MAPK7: variants seen among roughly 807,000 people sequenced by gnomAD.
MAPK7 encodes the protein mitogen-activated protein kinase 7.
In MAPK7, 30 loss-of-function variants were observed where a neutral mutation model predicts 56.9. The ratio of observed to expected loss-of-function variants is 0.53; its 90% CI spans 0.39 to 0.72. The LOEUF (loss-of-function observed/expected upper bound fraction) is 0.72, where lower values mean the gene tolerates loss of function less well. Among genes scored for constraint, MAPK7 ranks in the 30% least tolerant of loss-of-function variants. MAPK7 has a pLI of 0.00. For synonymous variants in MAPK7, 516 were observed against 449.3 expected (o/e 1.15, Z -1.88); for missense variants, 952 against 1,110.8 (o/e 0.86, Z 2.03).
In MAPK7 at chr17:19,380,849, C is replaced by T. The variant is rs376919837; in HGVS notation, c.640C>T (p.His214Tyr). Reference protein sequence around the residue: ...ARGLCTSPAEHQYFMTEYVAT... With the variant: ...ARGLCTSPAEYQYFMTEYVAT... ...TGGCCTGTGCACCTCGCCCGCTGAA[C>T]ATCAGTACTTCATGACTGAGTATGT... is the stretch of plus-strand genomic sequence containing the variant. Residue 214 changes from histidine to tyrosine, a missense_variant, in exon 4 of 7, where the codon CAT becomes TAT. Around this residue, in one of 5 missense-constraint regions of MAPK7, gnomAD observed 429 missense variants for 533.0 expected, o/e 0.80. Transcript: ENST00000395604. 9.3e-6 allele frequency: 15 copies of T among 1,613,954 alleles called. No individual in the cohort carries two copies. The highest frequency in any genetic ancestry group is 1.7e-5 in the Admixed American group (1 of 59,998).
chr17:19,378,948 GC>G lies in MAPK7; in HGVS notation c.54del (p.Val21Ter). On this transcript the variant is annotated frameshift_variant, in exon 2 of 7. Coordinates refer to ENST00000395604, the MANE Select transcript of MAPK7 (RefSeq NM_002749.4). LOFTEE classifies it high-confidence loss of function. The surrounding 1 kb of genome is among the most constrained non-coding windows in gnomAD (Gnocchi z 5.4). ...AAGACGGCGAGGACGGCTCTGCGGA[GC>G]CCCCCGGGCCCGTGAAGGCCGAACC... ...EEDGEDGSAE[P>X]PGPVKAEPAH... 1.3e-6 allele frequency: 2 copies of G among 1,597,482 alleles called. No individual in the cohort carries two copies. Among genetic ancestry groups the G allele is most frequent in the Non-Finnish European group, 8.5e-7 (1 of 1,171,938 alleles).
intron 5 of MAPK7, 95 bp from the exon 6 acceptor site, chr17:19,382,718 A>G: frequency 6.6e-7 from 1 of 1,519,144 alleles, no homozygotes; most frequent in Non-Finnish European, 8.9e-7. Context: ...TGGTGTTAGC[A>G]CTCCCAGATA....
In MAPK7 at chr17:19,381,187, C is replaced by T. The variant is rs1912624942; in HGVS notation, c.978C>T (p.Arg326=). The T allele has an allele frequency of 3.7e-6, 6 of 1,614,148 alleles. No homozygotes were observed. The highest frequency in any genetic ancestry group is 2.2e-5 in the East Asian group (1 of 44,874). The change falls in exon 4 of 7, where the codon CGC becomes CGT. Residue 326 remains arginine, a synonymous_variant. Transcript: ENST00000395604. The surrounding 1 kb of genome is among the most constrained non-coding windows in gnomAD (Gnocchi z 4.6). ...GCCAGGCCCTATCACTGCTGGGTCG[C>T]ATGCTGCGTTTTGAGCCCAGCGCTC... The part of the protein sequence containing the change: ...ADRQALSLLG[R]MLRFEPSARI...
At position 19,383,155 on chromosome 17, in the gene MAPK7, T is replaced by C. The variant is rs1288248712; in HGVS notation, c.2375T>C (p.Ile792Thr). 17 of 1,614,142 alleles carry C rather than the reference T, an allele frequency of 1.1e-5. No homozygotes were observed. The highest frequency in any genetic ancestry group is 1.6e-4 in the Middle Eastern group (1 of 6,062). ...LEGHGMNPAD[I>T]ESLQREIQMD... The stretch of plus-strand genomic sequence containing the variant: ...GGCCATGGCATGAACCCTGCCGATA[T>C]TGAGTCCCTGCAGCGTGAGATCCAG... The change falls in exon 7 of 7, where the codon ATT becomes ACT. Residue 792 changes from isoleucine (I) to threonine (T), a missense_variant. Transcript: ENST00000395604.
chr17:19,378,542 A>C lies in MAPK7; in HGVS notation c.-94A>C. On this transcript the variant is annotated 5_prime_UTR_variant, in exon 1 of 7. Transcript: ENST00000395604. This position sits in a 1 kb window ranked among gnomAD's most constrained non-coding sequence, Gnocchi z 5.4. ...AGGTGGTGGCTGCGGCCTTTGAACA[A>C]GTAAGTGAGCCACCCTCGGAGACCC... The C allele has an allele frequency of 8.6e-7, 1 of 1,158,058 alleles. No individual in the cohort carries two copies. Among genetic ancestry groups the C allele is most frequent in the Non-Finnish European group, 1.1e-6 (1 of 934,316 alleles). 71.7% of individuals were successfully genotyped at this position (1,158,058 alleles called of 1,614,324 possible). A position where few individuals can be genotyped will look rare whatever the true frequency, so the allele number is the denominator to read the frequency against.
Position 19,378,814 on chromosome 17 carries a change from C to G in MAPK7, c.-5-82C>G, listed in dbSNP as rs1912341833. 2 of 1,348,020 alleles carry G rather than the reference C, an allele frequency of 1.5e-6. No individual in the cohort carries two copies. Among genetic ancestry groups the G allele is most frequent in the African/African-American group, 1.5e-5 (1 of 68,380 alleles). The allele number at this position is 1,348,020 out of a possible 1,614,324, so 83.5% of individuals were successfully genotyped here. ...TGTCGGTTTAGGAAACTGGGAAGTT[C>G]CCTGGTCCTGCTCCCCAGCCCGCAG... On this transcript the variant is annotated intron_variant, in intron 1 of 6. Coordinates refer to ENST00000395604, the MANE Select transcript of MAPK7 (RefSeq NM_002749.4). This position sits in a 1 kb window ranked among gnomAD's most constrained non-coding sequence, Gnocchi z 5.4.
At position 19,382,038 on chromosome 17, in the gene MAPK7, G is replaced by T; in HGVS notation, c.1735G>T (p.Ala579Ser). 6.4e-7 allele frequency: 1 copy of T among 1,568,596 alleles called. No homozygotes were observed. Among genetic ancestry groups the T allele is most frequent in the Non-Finnish European group, 8.6e-7 (1 of 1,157,396 alleles). The change falls in exon 5 of 7, where the codon GCA (alanine) becomes TCA (serine). Residue 579 changes from alanine to serine, a missense_variant. Around this residue, in one of 5 missense-constraint regions of MAPK7, gnomAD observed 234 missense variants for 210.4 expected, o/e 1.11. Transcript: ENST00000395604. ...LERWTRMARP[A>S]APALTSVPAP... ...ACGCTGGACTCGAATGGCCCGGCCC[G>T]CAGCCCCAGCCCTCACCTCTGTGCC...
chr17:19,380,509 T>C, intron 3 of MAPK7, 99 bp from the exon 4 acceptor site: 3 of 1,497,756 alleles, frequency 2.0e-6, no homozygotes, highest in Non-Finnish European at 2.7e-6. Context: ...AGGGTAAGGC[T>C]GTTACCTGTC....
Position 19,378,867 on chromosome 17 carries a change from G to T in MAPK7, c.-5-29G>T, listed in dbSNP as rs1447789920. On this transcript the variant is annotated intron_variant, in intron 1 of 6. Transcript: ENST00000395604. The surrounding 1 kb of genome is among the most constrained non-coding windows in gnomAD (Gnocchi z 5.4). ...GGGACACTGAGGCCCACGGTAGGTG[G>T]TCCTCTCCTCACCCGAGTCTCCACA... 4.6e-6 allele frequency: 7 copies of T among 1,521,608 alleles called. No homozygotes were observed. The highest frequency in any genetic ancestry group is 6.2e-6 in the Non-Finnish European group (7 of 1,122,298). The allele number at this position is 1,521,608 out of a possible 1,614,324, so 94.3% of individuals were successfully genotyped here. A position where few individuals can be genotyped will look rare whatever the true frequency, so the allele number is the denominator to read the frequency against.
Position 19,382,835 on chromosome 17 carries a change from T to G in MAPK7, c.2186T>G (p.Val729Gly), listed in dbSNP as rs1912841690. The change falls in exon 6 of 7, where the codon GTG (valine) becomes GGG (glycine). Residue 729 changes from valine (V) to glycine (G), a missense_variant. By Grantham distance (109) the Val-to-Gly change is moderately radical (BLOSUM62 -3). Coordinates refer to ENST00000395604, the MANE Select transcript of MAPK7 (RefSeq NM_002749.4). ...CAGGTGGAGGACCCCCTGCCCCCTGTGTTCTCAGGCACACCAAAGGGCAGT... is the reference window on the plus strand; with the variant it reads ...CAGGTGGAGGACCCCCTGCCCCCTGGGTTCTCAGGCACACCAAAGGGCAGT... ...KSQVEDPLPP[V>G]FSGTPKGSGA... The G allele has an allele frequency of 2.5e-6, 4 of 1,614,202 alleles. No homozygotes were observed. The South Asian group carries it at 4.4e-5, about 18-fold the overall frequency.
rs1420106916 is a variant in MAPK7 at position 19,382,209 on chromosome 17, C to G, written c.1906C>G (p.Pro636Ala). The change falls in exon 5 of 7, where the codon CCT becomes GCT. Residue 636 changes from proline (P) to alanine (A), a missense_variant. Transcript: ENST00000395604. ...GPVPQPACPPPGPAPHPTGPP... is the reference protein window; with the variant it reads ...GPVPQPACPPAGPAPHPTGPP... ...TGTACCCCAGCCTGCCTGCCCACCC[C>G]CTGGCCCTGCACCCCACCCCACTGG... 2.5e-6 allele frequency: 4 copies of G among 1,611,810 alleles called. No homozygotes were observed. The Admixed American group carries it at 6.7e-5, about 27-fold the overall frequency.
chr17:19,379,981 G>A, intron 3 of MAPK7, 34 bp downstream of exon 3: 2 of 1,598,006 alleles, frequency 1.3e-6, no homozygotes, highest in Non-Finnish European at 1.7e-6. Flanking sequence ...AGCCAGACTT[G>A]GGACTTTTCT....
Position 19,383,405 on chromosome 17 carries a change from A to G in MAPK7, c.*174A>G, listed in dbSNP as rs1598120653. ...CAGCCACCTGAGCCACCACCGAGCC[A>G]TGGCAGGATCGGGAGACCCCAACTC... On this transcript the variant is annotated 3_prime_UTR_variant, in exon 7 of 7. Coordinates refer to ENST00000395604, the MANE Select transcript of MAPK7 (RefSeq NM_002749.4). 5 of 589,972 alleles carry G rather than the reference A, an allele frequency of 8.5e-6. No individual in the cohort carries two copies. The highest frequency in any genetic ancestry group is 1.4e-5 in the Non-Finnish European group (5 of 348,136). 36.5% of individuals were successfully genotyped at this position (589,972 alleles called of 1,614,324 possible). A position where few individuals can be genotyped will look rare whatever the true frequency, so the allele number is the denominator to read the frequency against.
chr17:19,383,357 C>A lies in MAPK7; in HGVS notation c.*126C>A. ...CTTGGATTATTCTGCAGGTTCATCT[C>A]AGACCCACCTTTCAGCCTTAAGCAG... On this transcript the variant is annotated 3_prime_UTR_variant, in exon 7 of 7. Transcript: ENST00000395604. 9.2e-7 allele frequency: 1 copy of A among 1,085,044 alleles called. No homozygotes were observed. The highest frequency in any genetic ancestry group is 1.3e-6 in the Non-Finnish European group (1 of 773,130). 67.2% of individuals were successfully genotyped at this position (1,085,044 alleles called of 1,614,324 possible).
Position 19,379,957 on chromosome 17 carries a change from G to C in MAPK7, c.398+10G>C. On this transcript the variant is annotated intron_variant, in intron 3 of 6. Coordinates refer to ENST00000395604, the MANE Select transcript of MAPK7 (RefSeq NM_002749.4). ...GCGAATTCAAATCTGTGTAAGAAGC[G>C]GGATGGGAGAGGGAGCCAGACTTGG... The C allele has an allele frequency of 1.2e-6, 2 of 1,609,712 alleles. No homozygotes were observed. The highest frequency in any genetic ancestry group is 1.7e-6 in the Non-Finnish European group (2 of 1,176,724).
chr17:19,379,839 A>C lies in MAPK7; in HGVS notation c.290A>C (p.Lys97Thr). ...PNAFDVVTNA[K>T]RTLRELKILK... ...GCTTTCGATGTGGTGACCAATGCCA[A>C]GCGGACCCTCAGGGAGCTGAAGATC... is the stretch of plus-strand genomic sequence containing the variant. Residue 97 changes from lysine (K) to threonine (T), a missense_variant, in exon 3 of 7, where the codon AAG (lysine) becomes ACG (threonine). Lys to Thr is a moderately conservative substitution (Grantham distance 78). Transcript: ENST00000395604. 6.2e-7 allele frequency: 1 copy of C among 1,614,236 alleles called. No individual in the cohort carries two copies. Among genetic ancestry groups the C allele is most frequent in the Non-Finnish European group, 8.5e-7 (1 of 1,180,034 alleles).
Position 19,382,838 on chromosome 17 carries a change from T to A in MAPK7, c.2189T>A (p.Phe730Tyr), listed in dbSNP as rs1212849334. ...SQVEDPLPPV[F>Y]SGTPKGSGAG... ...GTGGAGGACCCCCTGCCCCCTGTGT[T>A]CTCAGGCACACCAAAGGGCAGTGGG... The change falls in exon 6 of 7, where the codon TTC (phenylalanine) becomes TAC (tyrosine). Residue 730 changes from phenylalanine to tyrosine, a missense_variant. By Grantham distance (22) the Phe-to-Tyr change is conservative. Around this residue, in one of 5 missense-constraint regions of MAPK7, gnomAD observed 234 missense variants for 210.4 expected, o/e 1.11. Coordinates refer to ENST00000395604, the MANE Select transcript of MAPK7 (RefSeq NM_002749.4). 1.9e-6 allele frequency: 3 copies of A among 1,614,186 alleles called. No homozygotes were observed. The highest frequency in any genetic ancestry group is 1.7e-5 in the Admixed American group (1 of 60,026).
In MAPK7 at chr17:19,382,175, C is replaced by A. The variant is rs1220251592; in HGVS notation, c.1872C>A (p.Thr624=). Residue 624 remains threonine (T), a synonymous_variant, in exon 5 of 7, where the codon ACC becomes ACA. Coordinates refer to ENST00000395604, the MANE Select transcript of MAPK7 (RefSeq NM_002749.4). The part of the protein sequence containing the change: ...TGPQPQSAGS[T]SGPVPQPACP... ...CGCAACCACAATCTGCGGGCTCTAC[C>A]TCTGGCCCTGTACCCCAGCCTGCCT... is the stretch of plus-strand genomic sequence containing the variant. 2 of 1,612,296 alleles carry A rather than the reference C, an allele frequency of 1.2e-6. No homozygotes were observed. The highest frequency in any genetic ancestry group is 2.7e-5 in the African/African-American group (2 of 74,864).
upstream of MAPK7, chr17:19,378,186 A>C (rs1307417085): frequency 8.1e-6 from 8 of 983,812 alleles, no homozygotes; most frequent in Non-Finnish European, 9.7e-6. The surrounding 1 kb of genome is among the most constrained non-coding windows in gnomAD (Gnocchi z 5.4). Flanking sequence ...TGAGGTTGAG[A>C]GCTTCATGGG....
Sources: allele counts gnomAD v4.1 joint callset, GRCh38; gene constraint gnomAD v4.1.1; regional missense constraint gnomAD v4.1.1; non-coding constraint Gnocchi (gnomAD v3.1); transcripts MANE v1.5; gene names NCBI Gene and HGNC (gene_info 2026-07-23, HGNC 2026-07-21).